Variants in FGGY observed in about 807,000 individuals in gnomAD.
FGGY encodes FGGY carbohydrate kinase domain-containing protein.
FGGY carries 72 observed loss-of-function variants against 71.3 expected under a neutral mutation model. The observed-to-expected ratio is 1.01, with a 90% confidence interval of 0.84 to 1.23. The LOEUF is 1.23. Among genes scored for constraint, FGGY ranks in the 50% most tolerant of loss-of-function variants. FGGY has a pLI of 0.00. For synonymous variants in FGGY, 251 were observed against 250.3 expected, an observed-to-expected ratio of 1.00 and a Z score of -0.02; for missense variants, 668 against 682.3, an observed-to-expected ratio of 0.98 and a Z score of 0.23.
At chr1:59,445,610 A>G (rs2071051417) in intron 5 of FGGY, among the ~76,000 whole-genome samples, 1 of 152,196 alleles carries the variant, frequency 6.6e-6, no homozygotes, top group South Asian at 2.1e-4. Flanking sequence ...TGCCTATGGC[A>G]CACATCTCCC....
chr1:59,454,455 G>A (rs1445937656), intron 5 of FGGY, among the ~76,000 whole-genome samples: 1 of 152,160 alleles, frequency 6.6e-6, no homozygotes, highest in Non-Finnish European at 1.5e-5. Context: ...GAATAATTTA[G>A]CATGTTTCTA....
Position 59,549,390 on chromosome 1 carries a change from A to G in FGGY, c.800-4734A>G, listed in dbSNP as rs530790994. 1.5e-4 allele frequency among the ~76,000 whole-genome samples: 23 copies of G among 152,378 alleles called. 1 individual carries two copies. Among genetic ancestry groups the G allele is most frequent in the Non-Finnish European group, 2.9e-4 (20 of 68,026 alleles). Reference sequence around the variant, plus strand: ...TACTTCAGAGAAGGTGCCTGAGGTTATTAAAAGAGAATCTTTTTCAAGATG... The same window carrying G: ...TACTTCAGAGAAGGTGCCTGAGGTTGTTAAAAGAGAATCTTTTTCAAGATG... On this transcript the variant is annotated intron_variant, in intron 7 of 15. Coordinates refer to ENST00000303721, the MANE Select transcript of FGGY (RefSeq NM_018291.5).
At chr1:59,331,358 G>C (rs1405753311) in intron 2 of FGGY, among the ~76,000 whole-genome samples, 4 of 152,148 alleles carry the variant, frequency 2.6e-5, no homozygotes, top group African/African-American at 9.7e-5. Flanking sequence ...CTGGTCACTA[G>C]AGTAGCTTTT....
chr1:59,318,111 A>G (rs1327218970), intron 1 of FGGY, among the ~76,000 whole-genome samples: 1 of 152,202 alleles, frequency 6.6e-6, no homozygotes, highest in African/African-American at 2.4e-5. Flanking sequence ...ATTACTGTCA[A>G]TTGTATTACT....
chr1:59,393,337 TC>T (rs1490259198), intron 5 of FGGY: 1 of 152,114 alleles, frequency 6.6e-6, no homozygotes, highest in Non-Finnish European at 1.5e-5. Context: ...GTGGATGTGT[TC>T]CTGGCGGCTG....
chr1:59,589,645 G>A (rs911182752), intron 8 of FGGY, among the ~76,000 whole-genome samples: 33 of 152,024 alleles, frequency 2.2e-4, no homozygotes, highest in South Asian at 4.2e-4. Context: ...ACTCAAAACC[G>A]CTCAACTACA....
At chr1:59,666,217 C>T (rs769577854) in intron 12 of FGGY, among the ~76,000 whole-genome samples, 1 of 151,128 alleles carries the variant, frequency 6.6e-6, no homozygotes, top group Non-Finnish European at 1.5e-5. Flanking sequence ...TAGCAATTCA[C>T]TCCCAGGTCT....
chr1:59,397,231 T>C (rs1052056238), intron 5 of FGGY, among the ~76,000 whole-genome samples: 1 of 152,196 alleles, frequency 6.6e-6, no homozygotes, highest in African/African-American at 2.4e-5. Context: ...ATTTCTGTGA[T>C]ATTTGAGTCT....
chr1:59,601,144 A>G (rs1391087199), intron 8 of FGGY, among the ~76,000 whole-genome samples: 2 of 152,130 alleles, frequency 1.3e-5, no homozygotes, highest in Non-Finnish European at 2.9e-5. Context: ...ACCCTCTAAA[A>G]TTCCCAACCT....
At chr1:59,539,400 A>G (rs1030708578) in intron 7 of FGGY, among the ~76,000 whole-genome samples, 1 of 152,228 alleles carries the variant, frequency 6.6e-6, no homozygotes, top group African/African-American at 2.4e-5. Context: ...TATTGAGGGA[A>G]GGACAGACAA....
chr1:59,468,654 TG>T (rs1274346410), intron 6 of FGGY, among the ~76,000 whole-genome samples: 1 of 151,956 alleles, frequency 6.6e-6, no homozygotes, highest in Non-Finnish European at 1.5e-5. Flanking sequence ...AGGTGGATCA[TG>T]GGGTCAGGAG....
At chr1:59,336,394 G>C (rs2049505493) in intron 2 of FGGY, among the ~76,000 whole-genome samples, 2 of 151,570 alleles carry the variant, frequency 1.3e-5, no homozygotes, top group African/African-American at 4.9e-5. Flanking sequence ...TTTGAAGTCA[G>C]ATAGCATATA....
chr1:59,381,847 A>G (rs2059498578), intron 5 of FGGY, among the ~76,000 whole-genome samples: 2 of 152,234 alleles, frequency 1.3e-5, no homozygotes, highest in African/African-American at 4.8e-5. Context: ...GAATGTTAAA[A>G]ATAGAGCATA....
chr1:59,372,055 G>A (rs141698009), intron 4 of FGGY, among the ~76,000 whole-genome samples: 4,288 of 152,144 alleles, frequency 0.028, 220 homozygotes, highest in African/African-American at 0.098. Context: ...AAATAACTAA[G>A]ATCAGAGCAG....
chr1:59,670,246 A>T (rs2097365704), intron 13 of FGGY, among the ~76,000 whole-genome samples: 2 of 152,200 alleles, frequency 1.3e-5, no homozygotes, highest in Non-Finnish European at 2.9e-5. Context: ...TTCACCCAGG[A>T]CTCAGAGAAA....
chr1:59,485,632 A>G (rs2093635263), intron 6 of FGGY, among the ~76,000 whole-genome samples: 2 of 152,212 alleles, frequency 1.3e-5, no homozygotes, highest in Non-Finnish European at 2.9e-5. Context: ...GTAGATTTGT[A>G]GCTACACTTA....
At chr1:59,465,104 A>C (rs1465506541) in intron 6 of FGGY, among the ~76,000 whole-genome samples, 2 of 152,230 alleles carry the variant, frequency 1.3e-5, no homozygotes, top group African/African-American at 4.8e-5. Context: ...ATCGATGCAG[A>C]AATCCTCAAT....
intron 11 of FGGY, among the ~76,000 whole-genome samples, chr1:59,655,266 C>T (rs2097207704): frequency 6.6e-6 from 1 of 152,148 alleles, no homozygotes; most frequent in Non-Finnish European, 1.5e-5. Flanking sequence ...ACTTATTTTA[C>T]TTTTGTAAGT....
At chr1:59,535,689 C>T (rs979268964) in intron 7 of FGGY, among the ~76,000 whole-genome samples, 9 of 149,930 alleles carry the variant, frequency 6.0e-5, no homozygotes, top group East Asian at 2.0e-4. Flanking sequence ...CACTCAAAAC[C>T]GCTCAACTAC....
Sources: allele counts gnomAD v4.1 joint callset (sites outside exome capture counted in the v4.1 genomes callset), GRCh38; gene constraint gnomAD v4.1.1; transcripts MANE v1.5; gene names NCBI Gene and HGNC (gene_info 2026-07-23, HGNC 2026-07-21).